SP100: variants seen among roughly 807,000 people sequenced by gnomAD.
The protein encoded by SP100 is SP100 nuclear body protein.
In SP100, 84 loss-of-function variants were observed where a neutral mutation model predicts 130.0. The observed-to-expected ratio is 0.65, with a 90% CI of 0.54 to 0.77. SP100 has a LOEUF of 0.77. Ranked by LOEUF, SP100 falls within the 30% of genes least tolerant of loss-of-function variation. The probability of loss-of-function intolerance (pLI) is 0.00; values close to 1 mark genes in which losing one functional copy is unlikely to be tolerated. For synonymous variants in SP100, 331 were observed against 351.7 expected (o/e 0.94, Z 0.66); for missense variants, 978 against 1,052.2 (o/e 0.93, Z 0.97).
At position 230,432,379 on chromosome 2, in the gene SP100, GT is replaced by G. The variant is rs1409616480; in HGVS notation, c.108-10556del. 7.2e-5 allele frequency among the ~76,000 whole-genome samples: 11 copies of G among 152,236 alleles called. No homozygotes were observed. In the East Asian group the frequency reaches 1.9e-3, roughly 27 times the overall value. On this transcript the variant is annotated intron_variant, in intron 2 of 28. Transcript: ENST00000340126. ...TACAAGCCTTTGTGTGGATATACATGTTCGTTTCTAGGTAGATATTTAGGAG... is the reference window on the plus strand; with the variant it reads ...TACAAGCCTTTGTGTGGATATACATGTCGTTTCTAGGTAGATATTTAGGAG...
chr2:230,438,929 C>T (rs1023017390), intron 2 of SP100, among the ~76,000 whole-genome samples: 2 of 152,112 alleles, frequency 1.3e-5, no homozygotes, highest in Non-Finnish European at 1.5e-5. Flanking sequence ...AATCTTTATA[C>T]TGTTTTCCAC....
chr2:230,530,264 G>T (rs909857447), intron 24 of SP100, among the ~76,000 whole-genome samples: 1 of 152,162 alleles, frequency 6.6e-6, no homozygotes, highest in Non-Finnish European at 1.5e-5. Flanking sequence ...AGAGGCCTCA[G>T]AAATAACATC....
intron 24 of SP100, among the ~76,000 whole-genome samples, chr2:230,522,516 TGTCA>T (rs1691223381): frequency 7.7e-6 from 1 of 129,606 alleles, no homozygotes; most frequent in African/African-American, 3.2e-5. Flanking sequence ...AGTCTTGCAC[TGTCA>T]CACTGTCACC....
Position 230,541,851 on chromosome 2 carries a change from G to A in SP100, c.2404-41G>A, listed in dbSNP as rs774754000. 1.9e-6 allele frequency: 3 copies of A among 1,601,234 alleles called. No homozygotes were observed. The South Asian group carries it at 3.4e-5, about 18-fold the overall frequency. On this transcript the variant is annotated intron_variant, in intron 27 of 28. Coordinates refer to ENST00000340126, the MANE Select transcript of SP100 (RefSeq NM_001080391.2). The stretch of plus-strand genomic sequence containing the variant: ...TATTCCATAATAGTGGGAGTCTATG[G>A]CACTGGGCTGATAGCCTCATTTTGG...
intron 2 of SP100, among the ~76,000 whole-genome samples, chr2:230,439,310 A>G (rs1183130321): frequency 2.0e-5 from 3 of 151,728 alleles, no homozygotes; most frequent in Non-Finnish European, 4.4e-5. Flanking sequence ...GAATTTTAGG[A>G]TTGTTTTTTC....
chr2:230,517,377 G>T (rs1331650297), intron 24 of SP100, among the ~76,000 whole-genome samples: 1 of 152,134 alleles, frequency 6.6e-6, no homozygotes, highest in Non-Finnish European at 1.5e-5. Context: ...ACAGAAAGTT[G>T]TATGGATGTA....
intron 8 of SP100, among the ~76,000 whole-genome samples, chr2:230,456,186 G>C (rs189976908): frequency 2.0e-5 from 3 of 152,134 alleles, no homozygotes; most frequent in East Asian, 1.9e-4. Context: ...AAGTATTCTT[G>C]GTTGTCAGGT....
chr2:230,512,959 TC>T (rs1423119025), intron 24 of SP100, among the ~76,000 whole-genome samples: 11 of 151,962 alleles, frequency 7.2e-5, no homozygotes, highest in Admixed American at 5.9e-4. Context: ...GGGTTTGTGC[TC>T]CTATGAGAAT....
chr2:230,423,014 T>C (rs1575584640), intron 2 of SP100, among the ~76,000 whole-genome samples: 1 of 152,226 alleles, frequency 6.6e-6, no homozygotes, highest in South Asian at 2.1e-4. Context: ...AAATTTTGAA[T>C]ATATTTATAT....
intron 18 of SP100, among the ~76,000 whole-genome samples, chr2:230,497,825 A>G (rs2066781900): frequency 6.6e-6 from 1 of 152,192 alleles, no homozygotes; most frequent in African/African-American, 2.4e-5. Flanking sequence ...TTAGTTTCTT[A>G]GATCCTAATT....
At chr2:230,435,133 A>T (rs2063214738) in intron 2 of SP100, among the ~76,000 whole-genome samples, 2 of 152,222 alleles carry the variant, frequency 1.3e-5, no homozygotes, top group Non-Finnish European at 2.9e-5. Flanking sequence ...ACCAGGGATG[A>T]GTAAGTGTCT....
intron 2 of SP100, among the ~76,000 whole-genome samples, chr2:230,437,198 C>T (rs1010442757): frequency 4.6e-5 from 7 of 152,058 alleles, no homozygotes; most frequent in African/African-American, 1.7e-4. Flanking sequence ...CTTTTAAACC[C>T]ATTCATGAAT....
At chr2:230,429,879 GTCTA>G (rs1208493418) in intron 2 of SP100, among the ~76,000 whole-genome samples, 1 of 151,780 alleles carries the variant, frequency 6.6e-6, no homozygotes, top group Non-Finnish European at 1.5e-5. Context: ...TTGTTGAGTT[GTCTA>G]TCTGTGTTTA....
At chr2:230,514,946 A>C in intron 24 of SP100, 67 of 1,321,714 alleles carry the variant, frequency 5.1e-5, no homozygotes, top group Non-Finnish European at 6.2e-5. Context: ...TGAGCTCCAT[A>C]GAGATAGTGC....
chr2:230,428,530 C>A (rs1254660379), intron 2 of SP100, among the ~76,000 whole-genome samples: 1 of 151,972 alleles, frequency 6.6e-6, no homozygotes. Context: ...GCAAACTCCA[C>A]CTCCCAGGTT....
chr2:230,469,520 G>A, intron 14 of SP100: 4 of 456,576 alleles, frequency 8.8e-6, no homozygotes, highest in Non-Finnish European at 1.8e-5. Context: ...ATTGTATTCA[G>A]AAAAGATTGA....
chr2:230,442,820 A>G, intron 2 of SP100, 117 bp from the exon 3 acceptor site: 1 of 854,358 alleles, frequency 1.2e-6, no homozygotes, highest in South Asian at 1.6e-5. Flanking sequence ...ACTGAGGACC[A>G]CCTAATTTAT....
intron 24 of SP100, among the ~76,000 whole-genome samples, chr2:230,516,713 T>C (rs917113496): frequency 2.0e-5 from 3 of 152,214 alleles, no homozygotes; most frequent in South Asian, 4.1e-4. Flanking sequence ...TGGATTATAG[T>C]TGACTTCAAA....
At chr2:230,451,052 G>C (rs905440468) in intron 8 of SP100, among the ~76,000 whole-genome samples, 1 of 152,094 alleles carries the variant, frequency 6.6e-6, no homozygotes, top group Non-Finnish European at 1.5e-5. Flanking sequence ...ATGCATTTTT[G>C]ACTTATGATG....
Sources: gnomAD v4.1 joint callset for allele counts (sites outside exome capture counted in the v4.1 genomes callset) on GRCh38, gnomAD v4.1.1 for gene constraint, MANE v1.5 for transcripts, NCBI Gene and HGNC (gene_info 2026-07-23, HGNC 2026-07-21) for gene names.